Variants in ZEB1 observed in about 807,000 individuals in gnomAD.
ZEB1 encodes zinc finger E-box-binding homeobox 1.
ZEB1 carries 21 observed loss-of-function variants against 84.9 expected under a neutral mutation model. That is an observed-to-expected ratio of 0.25 (90% CI 0.18 to 0.36). ZEB1 has a LOEUF of 0.36. ZEB1 is among the 10% of genes least tolerant of loss of function. The pLI, the probability that ZEB1 is intolerant of heterozygous loss-of-function variation, is 1.00. For missense variants in ZEB1, 1,104 were observed against 1,330.2 expected (o/e 0.83, Z 2.65); for synonymous variants, 420 against 471.1 (o/e 0.89, Z 1.41).
intron 1 of ZEB1, among the ~76,000 whole-genome samples, chr10:31,400,602 AAGT>A (rs1442871891): frequency 4.6e-5 from 7 of 152,146 alleles, no homozygotes; most frequent in African/African-American, 1.7e-4. Flanking sequence ...TTATCATTAA[AAGT>A]AGTCATTTAG....
chr10:31,524,822 G>A (rs1265278743), intron 8 of ZEB1, among the ~76,000 whole-genome samples: 1 of 151,872 alleles, frequency 6.6e-6, no homozygotes, highest in African/African-American at 2.4e-5. Flanking sequence ...TCATAAGCAT[G>A]CGGCAAGCTG....
At chr10:31,397,329 A>G (rs1278359836) in intron 1 of ZEB1, among the ~76,000 whole-genome samples, 1 of 151,960 alleles carries the variant, frequency 6.6e-6, no homozygotes, top group Non-Finnish European at 1.5e-5. Flanking sequence ...ACGGTATTTA[A>G]GAGATAATCC....
chr10:31,503,091 C>T (rs1159042314), intron 4 of ZEB1, among the ~76,000 whole-genome samples: 1 of 151,928 alleles, frequency 6.6e-6, no homozygotes, highest in Admixed American at 6.6e-5. Context: ...AAGGGAAATA[C>T]AAAATTTAAA....
chr10:31,418,060 T>C lies in ZEB1; in HGVS notation c.59-42977T>C, dbSNP rs115121833. Among the ~76,000 whole-genome samples, 930 of 152,144 alleles carry C rather than the reference T, an allele frequency of 6.1e-3. 11 individuals are homozygous for C. Among genetic ancestry groups the C allele is most frequent in the African/African-American group, 0.021 (874 of 41,502 alleles). On this transcript the variant is annotated intron_variant, in intron 1 of 8. Coordinates refer to ENST00000424869, the MANE Select transcript of ZEB1 (RefSeq NM_001174096.2). ...CAAGGAGGGAATTAGGAAATTTTAG[T>C]GCCTGATAATCTCCTTCAGTCTCCT...
intron 8 of ZEB1, among the ~76,000 whole-genome samples, chr10:31,524,642 C>T (rs535740828): frequency 6.6e-6 from 1 of 152,006 alleles, no homozygotes; most frequent in South Asian, 2.1e-4. Flanking sequence ...TTTTTCATGA[C>T]TTATTTCCTT....
chr10:31,346,739 T>C (rs1168212575), intron 1 of ZEB1, among the ~76,000 whole-genome samples: 4 of 152,242 alleles, frequency 2.6e-5, no homozygotes, highest in Admixed American at 6.5e-5. Flanking sequence ...GTTGTTCTTA[T>C]TGTGTGAAGG....
intron 1 of ZEB1, chr10:31,374,698 A>G (rs2046295785): frequency 6.6e-6 from 1 of 151,848 alleles, no homozygotes. Context: ...TTGCTTTTGA[A>G]CTTTTAAAGT....
chr10:31,461,599 A>G (rs2061827204), intron 2 of ZEB1, among the ~76,000 whole-genome samples: 1 of 152,184 alleles, frequency 6.6e-6, no homozygotes, highest in South Asian at 2.1e-4. Context: ...ATAATTCAAT[A>G]TGCAAAAATC....
intron 2 of ZEB1, among the ~76,000 whole-genome samples, chr10:31,463,056 A>T (rs564238548): frequency 2.0e-3 from 301 of 152,324 alleles, no homozygotes; most frequent in Non-Finnish European, 3.2e-3. Context: ...TGAACCTGTT[A>T]ATGTTAATAC....
chr10:31,490,139 G>C (rs2066324737), intron 2 of ZEB1, among the ~76,000 whole-genome samples: 2 of 151,246 alleles, frequency 1.3e-5, no homozygotes, highest in Non-Finnish European at 3.0e-5. Context: ...TGATGGATTT[G>C]AGCCTAGTGT....
chr10:31,392,076 C>T (rs1324630601), intron 1 of ZEB1, among the ~76,000 whole-genome samples: 4 of 152,080 alleles, frequency 2.6e-5, no homozygotes, highest in Non-Finnish European at 5.9e-5. Flanking sequence ...CATTTAACTT[C>T]AACTAATTAA....
intron 1 of ZEB1, among the ~76,000 whole-genome samples, chr10:31,459,211 T>C (rs2061557888): frequency 1.3e-5 from 2 of 152,120 alleles, no homozygotes; most frequent in African/African-American, 4.8e-5. Context: ...GGACTGTCTG[T>C]ACTGACATAG....
upstream of ZEB1, chr10:31,318,703 G>GGACACGCGAGGCGTGGGACT (rs1232239178): frequency 1.3e-5 from 2 of 157,862 alleles, no homozygotes; most frequent in Non-Finnish European, 2.8e-5. Flanking sequence ...TGCGGGGGGC[G>GGACACGCGAGGCGTGGGACT]GACACGCGAG....
intron 1 of ZEB1, among the ~76,000 whole-genome samples, chr10:31,337,683 G>GGT (rs2038435333): frequency 1.0e-5 from 1 of 98,842 alleles, no homozygotes; most frequent in South Asian, 3.6e-4. Flanking sequence ...ATTTCTTTCT[G>GGT]TTTTTTTTTT....
chr10:31,377,963 A>G (rs572161488), intron 1 of ZEB1, among the ~76,000 whole-genome samples: 2 of 151,820 alleles, frequency 1.3e-5, no homozygotes, highest in East Asian at 3.9e-4. Context: ...TTCATTAAAC[A>G]GCAGATTAGC....
At chr10:31,337,121 A>C (rs895764985) in intron 1 of ZEB1, among the ~76,000 whole-genome samples, 9 of 152,218 alleles carry the variant, frequency 5.9e-5, no homozygotes, top group African/African-American at 2.2e-4. Context: ...AAAATGAATG[A>C]ATTACACCTG....
intron 1 of ZEB1, among the ~76,000 whole-genome samples, chr10:31,345,625 T>C (rs2040171753): frequency 6.6e-6 from 1 of 152,086 alleles, no homozygotes; most frequent in Non-Finnish European, 1.5e-5. Context: ...GATATGTAGG[T>C]AAACCTGCCC....
intron 2 of ZEB1, among the ~76,000 whole-genome samples, chr10:31,479,090 G>T (rs1306608103): frequency 6.6e-6 from 1 of 151,768 alleles, no homozygotes; most frequent in Admixed American, 6.6e-5. Context: ...AAAGACAGAG[G>T]ATGATAGGAG....
intron 1 of ZEB1, among the ~76,000 whole-genome samples, chr10:31,437,667 A>G (rs1438819576): frequency 6.6e-6 from 1 of 152,168 alleles, no homozygotes; most frequent in Non-Finnish European, 1.5e-5. Context: ...AGCCTTACTT[A>G]GATTACTATA....
Sources: gnomAD v4.1 joint callset for allele counts (sites outside exome capture counted in the v4.1 genomes callset) on GRCh38, gnomAD v4.1.1 for gene constraint, MANE v1.5 for transcripts, NCBI Gene and HGNC (gene_info 2026-07-23, HGNC 2026-07-21) for gene names.